TTI2: variants seen among roughly 807,000 people sequenced by gnomAD.
The protein encoded by TTI2 is TELO2-interacting protein 2.
Under a neutral mutation model 44.9 loss-of-function variants are expected in TTI2, and 26 were observed. The observed-to-expected ratio is 0.58, with a 90% CI of 0.42 to 0.80. The LOEUF (loss-of-function observed/expected upper bound fraction) is 0.80. Among genes scored for constraint, TTI2 ranks in the 30% least tolerant of loss-of-function variants. TTI2 has a pLI of 0.00. For synonymous variants in TTI2, 254 were observed against 250.9 expected, an observed-to-expected ratio of 1.01 and a Z score of -0.12; for missense variants, 582 against 611.6, an observed-to-expected ratio of 0.95 and a Z score of 0.51.
chr8:33,501,815 G>A (rs1056267951), intron 6 of TTI2, among the ~76,000 whole-genome samples: 4 of 152,156 alleles, frequency 2.6e-5, no homozygotes, highest in African/African-American at 9.7e-5. Flanking sequence ...TCAATTTTCA[G>A]CTATGCAAGA....
Position 33,500,430 on chromosome 8 carries a change from T to G in TTI2, c.1320A>C (p.Ala440=). 6.2e-7 allele frequency: 1 copy of G among 1,614,148 alleles called. No individual in the cohort carries two copies. The highest frequency in any genetic ancestry group is 8.5e-7 in the Non-Finnish European group (1 of 1,180,018). ...KALLKLICDV[A]RDPNLTPESV... ...ACTCAGGTGTAAGGTTTGGATCCCT[T>G]GCTACATCACAAATCAGTTTCAAGA... Residue 440 remains alanine (A), a synonymous_variant, in exon 7 of 8, where the codon GCA becomes GCC. Coordinates refer to ENST00000431156, the MANE Select transcript of TTI2 (RefSeq NM_001102401.4).
chr8:33,511,441 C>A (rs768905084), intron 2 of TTI2, among the ~76,000 whole-genome samples: 24 of 152,136 alleles, frequency 1.6e-4, no homozygotes, highest in Middle Eastern at 3.4e-3. Context: ...CAACTGAGCC[C>A]GAACATCTCA....
At chr8:33,505,077 G>T (rs1196632161) in intron 4 of TTI2, among the ~76,000 whole-genome samples, 2 of 152,084 alleles carry the variant, frequency 1.3e-5, no homozygotes, top group South Asian at 2.1e-4. Context: ...ACAAAAATTA[G>T]CTGGGCATGG....
rs760190893 is a variant in TTI2, at chr8:33,507,274, A to G, written c.882T>C (p.His294=). Residue 294 remains histidine, a synonymous_variant, in exon 4 of 8, where the codon CAT becomes CAC. Transcript: ENST00000431156. ...GTGTGTACAGGTGGTTGGAAATGGCATGGTATAGGACCTGGGCTCTGTTAT... is the reference window on the plus strand; with the variant it reads ...GTGTGTACAGGTGGTTGGAAATGGCGTGGTATAGGACCTGGGCTCTGTTAT... ...LQYNRAQVLY[H]AISNHLYTPE... is the part of the protein sequence containing the mutation. The G allele has an allele frequency of 9.3e-6, 15 of 1,614,182 alleles. 1 individual carries two copies. The South Asian group carries it at 1.5e-4, about 17-fold the overall frequency.
chr8:33,503,750 G>A lies in TTI2; in HGVS notation c.1113C>T (p.Asn371=), dbSNP rs201701087. The A allele has an allele frequency of 6.2e-7, 1 of 1,613,546 alleles. No individual in the cohort carries two copies. The highest frequency in any genetic ancestry group is 2.2e-5 in the East Asian group (1 of 44,882). Residue 371 remains asparagine (N), a splice_region_variant and synonymous_variant, in exon 5 of 8, where the codon AAC becomes AAT. Transcript: ENST00000431156. ...TYARNLPAFV[N]RLGILTVRHL... ...TAAATAAAAGCCCAGGGCCTCACCT[G>A]TTCACGAAAGCCGGCAGGTTTCTTG...
At position 33,498,741 on chromosome 8, in the gene TTI2, C is replaced by A; in HGVS notation, c.*432G>T. 1.1e-6 allele frequency: 1 copy of A among 886,944 alleles called. No individual in the cohort carries two copies. The highest frequency in any genetic ancestry group is 1.7e-6 in the Non-Finnish European group (1 of 585,212). The allele number at this position is 886,944 out of a possible 1,614,324, so 54.9% of individuals were successfully genotyped here. On this transcript the variant is annotated 3_prime_UTR_variant, in exon 8 of 8. Coordinates refer to ENST00000431156, the MANE Select transcript of TTI2 (RefSeq NM_001102401.4). Reference sequence around the variant, plus strand: ...TTTTGCTCTTTTGTGTTGTACTGAACACAATATTTGTGTTTTTATTATTTA... The same window carrying A: ...TTTTGCTCTTTTGTGTTGTACTGAAAACAATATTTGTGTTTTTATTATTTA...
In TTI2 at chr8:33,500,381, C is replaced by T; in HGVS notation, c.1369G>A (p.Glu457Lys). Residue 457 changes from glutamate (E) to lysine (K), a missense_variant, in exon 7 of 8, where the codon GAG (glutamate) becomes AAG (lysine). Coordinates refer to ENST00000431156, the MANE Select transcript of TTI2 (RefSeq NM_001102401.4). ...PESVKSALLQEATDCLILLDR... is the reference protein window; with the variant it reads ...PESVKSALLQKATDCLILLDR... ...AGGAGAATCAGGCAGTCTGTGGCCT[C>T]CTGTAGCAGGGCGCTCTTAACAGAC... is the stretch of plus-strand genomic sequence containing the variant. 6.2e-7 allele frequency: 1 copy of T among 1,614,170 alleles called. No homozygotes were observed. The highest frequency in any genetic ancestry group is 8.5e-7 in the Non-Finnish European group (1 of 1,180,026).
In TTI2 at chr8:33,498,758, T is replaced by C; in HGVS notation, c.*415A>G. 1.2e-6 allele frequency: 1 copy of C among 812,866 alleles called. No individual in the cohort carries two copies. The highest frequency in any genetic ancestry group is 1.9e-6 in the Non-Finnish European group (1 of 520,690). 50.4% of individuals were successfully genotyped at this position (812,866 alleles called of 1,614,324 possible). A position where few individuals can be genotyped will look rare whatever the true frequency, so the allele number is the denominator to read the frequency against. On this transcript the variant is annotated 3_prime_UTR_variant, in exon 8 of 8. Coordinates refer to ENST00000431156, the MANE Select transcript of TTI2 (RefSeq NM_001102401.4). ...GTACTGAACACAATATTTGTGTTTT[T>C]ATTATTTATGCCACGTCAGTGGGGC...
At chr8:33,507,094 T>C (rs991082701) in intron 4 of TTI2, 135 bp downstream of exon 4, 1 of 763,492 alleles carries the variant, frequency 1.3e-6, no homozygotes, top group Non-Finnish European at 2.2e-6. Context: ...TATTTTTAAC[T>C]TGGCAACGCT....
At chr8:33,503,666 C>T (rs1195030761) in intron 5 of TTI2, 82 bp downstream of exon 5, 2 of 1,606,414 alleles carry the variant, frequency 1.2e-6, no homozygotes, top group Non-Finnish European at 1.7e-6. Context: ...TTGCTTGAGG[C>T]CAGGAGCTCG....
In TTI2 at chr8:33,509,951, T is replaced by C; in HGVS notation, c.648-19A>G. 6.8e-7 allele frequency: 1 copy of C among 1,469,394 alleles called. No homozygotes were observed. Among genetic ancestry groups the C allele is most frequent in the East Asian group, 2.4e-5 (1 of 41,148 alleles). 91.0% of individuals were successfully genotyped at this position (1,469,394 alleles called of 1,614,324 possible). On this transcript the variant is annotated intron_variant, in intron 2 of 7. Transcript: ENST00000431156. ...GGATTCCCTAAGTGAATACATAGAA[T>C]TACATTAAGTGACATGGTGATAAGT...
At chr8:33,503,138 A>AC (rs1809157088) in intron 6 of TTI2, among the ~76,000 whole-genome samples, 1 of 90,294 alleles carries the variant, frequency 1.1e-5, no homozygotes, top group Non-Finnish European at 2.5e-5. Flanking sequence ...CAAAAAAAAA[A>AC]AAAAAAAAAA....
intron 6 of TTI2, among the ~76,000 whole-genome samples, 185 bp downstream of exon 6, chr8:33,503,244 T>C (rs569728917): frequency 1.3e-5 from 2 of 152,196 alleles, no homozygotes; most frequent in African/African-American, 4.8e-5. Flanking sequence ...GCACCTCAAG[T>C]AACTATAGTA....
chr8:33,501,470 C>A (rs1194711372), intron 6 of TTI2, among the ~76,000 whole-genome samples: 2 of 152,170 alleles, frequency 1.3e-5, no homozygotes, highest in African/African-American at 2.4e-5. Context: ...TTGGTCTCTG[C>A]TCTTTAAAGA....
rs985493452 is a variant in TTI2 at position 33,511,876 on chromosome 8, T to C, written c.647+91A>G. 51 of 1,436,896 alleles carry C rather than the reference T, an allele frequency of 3.5e-5. No individual in the cohort carries two copies. In the African/African-American group the frequency reaches 6.8e-4, roughly 19 times the overall value. The allele number at this position is 1,436,896 out of a possible 1,614,324, so 89.0% of individuals were successfully genotyped here. ...TGCACTCCACCCTGGGCAACAAGAGTGAAACTCTGTCTCGAAAATAAATAA... is the reference window on the plus strand; with the variant it reads ...TGCACTCCACCCTGGGCAACAAGAGCGAAACTCTGTCTCGAAAATAAATAA... On this transcript the variant is annotated intron_variant, in intron 2 of 7. Transcript: ENST00000431156.
intron 3 of TTI2, among the ~76,000 whole-genome samples, chr8:33,508,111 A>AAAAAAAAAAAAC: frequency 7.5e-6 from 1 of 134,226 alleles, no homozygotes; most frequent in African/African-American, 3.2e-5. Flanking sequence ...AAAAAAAAAA[A>AAAAAAAAAAAAC]AAAAAAAAGA....
chr8:33,505,095 T>C (rs936991879), intron 4 of TTI2, among the ~76,000 whole-genome samples: 4 of 152,000 alleles, frequency 2.6e-5, no homozygotes, highest in Non-Finnish European at 5.9e-5. Context: ...TGGTGGCACC[T>C]GCCTGTAATC....
chr8:33,512,669 G>C lies in TTI2; in HGVS notation c.-56C>G. On this transcript the variant is annotated 5_prime_UTR_variant, in exon 2 of 8. Transcript: ENST00000431156. ...TCCCACAGAACGAGGATGGAGGCGG[G>C]GAGGGATCCGTTGAAGAGGGAAGGA... 4 of 1,593,380 alleles carry C rather than the reference G, an allele frequency of 2.5e-6. No homozygotes were observed. In the South Asian group the frequency reaches 4.4e-5, roughly 18 times the overall value.
chr8:33,502,899 G>A (rs1261732027), intron 6 of TTI2, among the ~76,000 whole-genome samples: 2 of 152,052 alleles, frequency 1.3e-5, no homozygotes, highest in East Asian at 1.9e-4. Context: ...GGAGGCCAAG[G>A]CGGGTGGATT....
Sources: allele counts gnomAD v4.1 joint callset (sites outside exome capture counted in the v4.1 genomes callset), GRCh38; gene constraint gnomAD v4.1.1; transcripts MANE v1.5; gene names NCBI Gene and HGNC (gene_info 2026-07-23, HGNC 2026-07-21).